The following LAMB3 variants were observed in gnomAD, a reference collection of about 807,000 sequenced individuals.
LAMB3 encodes the protein laminin subunit beta 3.
In LAMB3, 104 loss-of-function variants were observed where a neutral mutation model predicts 140.3. The observed-to-expected ratio is 0.74, with a 90% CI of 0.63 to 0.87. The LOEUF (loss-of-function observed/expected upper bound fraction) is 0.87. Among genes scored for constraint, LAMB3 ranks in the 40% least tolerant of loss-of-function variants. The pLI is 0.00. For missense variants in LAMB3, 1,531 were observed against 1,575.2 expected (o/e 0.97, Z 0.47); for synonymous variants, 592 against 602.9 (o/e 0.98, Z 0.26).
chr1:209,630,828 CT>C, intron 8 of LAMB3, 93 bp from the exon 9 acceptor site: 1 of 1,447,446 alleles, frequency 6.9e-7, no homozygotes. Context: ...CTGCGCACCA[CT>C]CAGGATCTGG....
Position 209,623,561 on chromosome 1 carries a change from C to T in LAMB3, c.2302G>A (p.Val768Met), listed in dbSNP as rs772773088. The T allele has an allele frequency of 6.2e-7, 1 of 1,614,224 alleles. No homozygotes were observed. Among genetic ancestry groups the T allele is most frequent in the Non-Finnish European group, 8.5e-7 (1 of 1,180,028 alleles). The change falls in exon 16 of 23, where the codon GTG becomes ATG. Residue 768 changes from valine to methionine, a missense_variant. Coordinates refer to ENST00000356082, the MANE Select transcript of LAMB3 (RefSeq NM_000228.3). The surrounding 1 kb of genome is among the most constrained non-coding windows in gnomAD (Gnocchi z 4.2). ...GAAGACATCTCCAGCCTCAGGGCCACAAGCTTGGGGCTGCCGGTGCCTCCT... is the reference window on the plus strand; with the variant it reads ...GAAGACATCTCCAGCCTCAGGGCCATAAGCTTGGGGCTGCCGGTGCCTCCT... ...GGGGTGSPKL[V>M]ALRLEMSSLP... is the part of the protein sequence containing the mutation.
chr1:209,616,666 A>G lies in LAMB3; in HGVS notation c.3229-42T>C, dbSNP rs751533450. Reference sequence around the variant, plus strand: ...AGTCTCAGTGTCATTGTCATCATGCAAGGTCCTAAAGACCTGTGGCCAAAG... The same window carrying G: ...AGTCTCAGTGTCATTGTCATCATGCGAGGTCCTAAAGACCTGTGGCCAAAG... On this transcript the variant is annotated intron_variant, in intron 21 of 22. Transcript: ENST00000356082. 4.4e-6 allele frequency: 7 copies of G among 1,602,904 alleles called. 1 individual carries two copies. The South Asian group carries it at 6.6e-5, about 15-fold the overall frequency.
Position 209,625,985 on chromosome 1 carries a change from C to G in LAMB3, c.1639G>C (p.Asp547His). The change falls in exon 14 of 23, where the codon GAC becomes CAC. Residue 547 changes from aspartate (D) to histidine (H), a missense_variant. Physicochemically the swap from Asp to His is moderately conservative, Grantham distance 81 (BLOSUM62 -1). Coordinates refer to ENST00000356082, the MANE Select transcript of LAMB3 (RefSeq NM_000228.3). ...DFRGTEGPGC[D>H]KASGRCLCRP... The stretch of plus-strand genomic sequence containing the variant: ...CAGAGGCAGCGGCCTGATGCCTTGT[C>G]GCAGCCCGGGCCCTCTGTTCCCCGG... 1 of 1,613,436 alleles carries G rather than the reference C, an allele frequency of 6.2e-7. No homozygotes were observed. Among genetic ancestry groups the G allele is most frequent in the Non-Finnish European group, 8.5e-7 (1 of 1,179,654 alleles).
chr1:209,641,064 C>G (rs1361306683), intron 3 of LAMB3, among the ~76,000 whole-genome samples: 2 of 119,106 alleles, frequency 1.7e-5, no homozygotes, highest in Non-Finnish European at 3.2e-5. Flanking sequence ...GCCTGGGCAA[C>G]AGAGCGAGAC....
intron 5 of LAMB3, among the ~76,000 whole-genome samples, chr1:209,636,568 G>A (rs1458295554): frequency 1.3e-5 from 2 of 152,066 alleles, no homozygotes; most frequent in African/African-American, 4.8e-5. Flanking sequence ...TCATCTCGCA[G>A]CAGTCTTCAG....
intron 3 of LAMB3, among the ~76,000 whole-genome samples, chr1:209,639,790 G>A (rs1459144060): frequency 6.6e-6 from 1 of 152,014 alleles, no homozygotes; most frequent in Admixed American, 6.5e-5. Context: ...ATACTGTCCA[G>A]AGGGCTCCAG....
chr1:209,628,036 G>A lies in LAMB3; in HGVS notation c.1287C>T (p.His429=), dbSNP rs902141413. 6.2e-7 allele frequency: 1 copy of A among 1,602,830 alleles called. No homozygotes were observed. Among genetic ancestry groups the A allele is most frequent in the East Asian group, 2.3e-5 (1 of 44,436 alleles). Residue 429 remains histidine, a splice_region_variant and synonymous_variant, in exon 11 of 23, where the codon CAC becomes CAT. Transcript: ENST00000356082. ...GLTYANPQGC[H]RCDCNILGSR... ...TGCTGGGCCAAGCCCCCTACTCACG[G>A]TGGCAGCCCTGCGGGTTGGCGTAGG...
In LAMB3 at chr1:209,627,523, C is replaced by A. The variant is rs1666511005; in HGVS notation, c.1345G>T (p.Gly449Trp). ...RRDMPCDEESGRCLCLPNVVG... is the reference protein window; with the variant it reads ...RRDMPCDEESWRCLCLPNVVG... ...ACGTTGGGCAGACAAAGGCAGCGCC[C>A]ACTCTCCTCGTCACACGGCATGTCC... Residue 449 changes from glycine (G) to tryptophan (W), a missense_variant, in exon 12 of 23, where the codon GGG becomes TGG. Transcript: ENST00000356082. The A allele has an allele frequency of 6.2e-7, 1 of 1,613,978 alleles. No homozygotes were observed. Among genetic ancestry groups the A allele is most frequent in the African/African-American group, 1.3e-5 (1 of 74,924 alleles).
At position 209,628,294 on chromosome 1, in the gene LAMB3, G is replaced by A. The variant is rs961844887; in HGVS notation, c.1133-104C>T. On this transcript the variant is annotated intron_variant, in intron 10 of 22. Coordinates refer to ENST00000356082, the MANE Select transcript of LAMB3 (RefSeq NM_000228.3). ...GGTTCAAATCCTTGTTCCACCACTG[G>A]ATTTCAAATTCACAGCCTTAGTCAA... 44 of 1,309,268 alleles carry A rather than the reference G, an allele frequency of 3.4e-5. 1 individual carries two copies. The Middle Eastern group carries it at 5.7e-4, about 17-fold the overall frequency. The allele number at this position is 1,309,268 out of a possible 1,614,324, so 81.1% of individuals were successfully genotyped here.
At chr1:209,642,082 C>A (rs770698951) in intron 3 of LAMB3, among the ~76,000 whole-genome samples, 1 of 151,952 alleles carries the variant, frequency 6.6e-6, no homozygotes, top group African/African-American at 2.4e-5. Flanking sequence ...CTGGAGACTG[C>A]GGAAATGCCC....
chr1:209,630,891 C>G (rs1666663812), intron 8 of LAMB3, among the ~76,000 whole-genome samples, 156 bp from the exon 9 acceptor site: 1 of 152,182 alleles, frequency 6.6e-6, no homozygotes, highest in Non-Finnish European at 1.5e-5. Context: ...CAGACTTCAC[C>G]CAGCTCCTGT....
At chr1:209,647,508 G>A (rs2102462029) in intron 3 of LAMB3, among the ~76,000 whole-genome samples, 1 of 152,302 alleles carries the variant, frequency 6.6e-6, no homozygotes, top group South Asian at 2.1e-4. Context: ...ACAGAAGAAT[G>A]ATCTGGTCCT....
chr1:209,628,046 T>C lies in LAMB3; in HGVS notation c.1277A>G (p.Gln426Arg). 1 of 1,605,488 alleles carries C rather than the reference T, an allele frequency of 6.2e-7. No individual in the cohort carries two copies. Among genetic ancestry groups the C allele is most frequent in the Non-Finnish European group, 8.5e-7 (1 of 1,175,822 alleles). Residue 426 changes from glutamine (Q) to arginine (R), a missense_variant, in exon 11 of 23, where the codon CAG becomes CGG. Coordinates refer to ENST00000356082, the MANE Select transcript of LAMB3 (RefSeq NM_000228.3). ...AGCCCCCTACTCACGGTGGCAGCCC[T>C]GCGGGTTGGCGTAGGTGAGTCCAGT... ...GFTGLTYANP[Q>R]GCHRCDCNIL...
intron 3 of LAMB3, among the ~76,000 whole-genome samples, chr1:209,645,878 A>C (rs545651785): frequency 1.3e-5 from 2 of 152,218 alleles, no homozygotes; most frequent in Non-Finnish European, 2.9e-5. Context: ...AAACAAAGAA[A>C]GGCAGTGGTC....
Position 209,647,873 on chromosome 1 carries a change from C to G in LAMB3, c.183+2091G>C, listed in dbSNP as rs573909624. On this transcript the variant is annotated intron_variant, in intron 3 of 22. Coordinates refer to ENST00000356082, the MANE Select transcript of LAMB3 (RefSeq NM_000228.3). ...ATTATTTGAGATAATTTATATAAAA[C>G]TCTTAATATGATGCCAAAGACACAT... Among the ~76,000 whole-genome samples, 23 of 152,282 alleles carry G rather than the reference C, an allele frequency of 1.5e-4. 2 individuals are homozygous for G. The East Asian group carries it at 2.5e-3, about 17-fold the overall frequency.
intron 4 of LAMB3, 71 bp from the exon 5 acceptor site, chr1:209,638,052 A>G: frequency 7.9e-7 from 1 of 1,272,096 alleles, no homozygotes; most frequent in South Asian, 1.3e-5. Context: ...GAAGCCCTGG[A>G]TTAGACTAGC....
intron 13 of LAMB3, among the ~76,000 whole-genome samples, chr1:209,626,657 C>T (rs1045770744): frequency 2.0e-5 from 3 of 152,230 alleles, no homozygotes; most frequent in Admixed American, 6.5e-5. Context: ...GTCACGGGGA[C>T]GCAGGAACAG....
At chr1:209,625,573 G>A in intron 14 of LAMB3, 75 bp downstream of exon 14, 1 of 1,556,922 alleles carries the variant, frequency 6.4e-7, no homozygotes, top group Non-Finnish European at 8.9e-7. Flanking sequence ...CAAATGTAAG[G>A]AAGGACCAGC....
At chr1:209,618,161 G>A in intron 19 of LAMB3, 113 bp from the exon 20 acceptor site, 1 of 1,369,040 alleles carries the variant, frequency 7.3e-7, no homozygotes, top group Admixed American at 1.8e-5. Context: ...CCAAGGCAAA[G>A]AGCAAGGAAA....
Sources: allele counts gnomAD v4.1 joint callset (sites outside exome capture counted in the v4.1 genomes callset), GRCh38; gene constraint gnomAD v4.1.1; non-coding constraint Gnocchi (gnomAD v3.1); transcripts MANE v1.5; gene names NCBI Gene and HGNC (gene_info 2026-07-23, HGNC 2026-07-21).